Variants in SH3KBP1 observed in about 807,000 individuals in gnomAD.
SH3KBP1 encodes SH3 domain-containing kinase-binding protein 1.
SH3KBP1 carries 8 observed loss-of-function variants against 50.1 expected under a neutral mutation model. That is an observed-to-expected ratio of 0.16 (90% CI 0.09 to 0.29). SH3KBP1 has a LOEUF of 0.29. Ranked by LOEUF, SH3KBP1 falls within the 10% of genes least tolerant of loss-of-function variation. SH3KBP1 has a pLI of 1.00. For synonymous variants in SH3KBP1, 227 were observed against 218.6 expected (o/e 1.04, Z -0.34); for missense variants, 377 against 535.2 (o/e 0.70, Z 2.92).
intron 3 of SH3KBP1, among the ~76,000 whole-genome samples, chrX:19,735,361 GCTTTT>G (rs751681219): frequency 1.8e-5 from 2 of 109,525 alleles, no homozygotes; most frequent in African/African-American, 3.3e-5. Flanking sequence ...AGTTTAGCTT[GCTTTT>G]CTTTTCTAGT....
intron 2 of SH3KBP1, among the ~76,000 whole-genome samples, chrX:19,752,062 A>G (rs1166684062): frequency 8.9e-6 from 1 of 112,510 alleles, no homozygotes; most frequent in Non-Finnish European, 1.9e-5. Flanking sequence ...GTCAGTCTGT[A>G]ACCAAAATAC....
chrX:19,621,523 G>A (rs1324413713), intron 8 of SH3KBP1, among the ~76,000 whole-genome samples: 1 of 111,205 alleles, frequency 9.0e-6, no homozygotes, highest in African/African-American at 3.3e-5. Flanking sequence ...TACAGCCCAT[G>A]GGCCAGGTCT....
intron 3 of SH3KBP1, among the ~76,000 whole-genome samples, chrX:19,722,900 C>T (rs190058477): frequency 9.1e-6 from 1 of 109,837 alleles, no homozygotes; most frequent in East Asian, 2.8e-4. Flanking sequence ...TTTGGGAGGC[C>T]AAGGCAGGCA....
intron 2 of SH3KBP1, among the ~76,000 whole-genome samples, chrX:19,752,014 G>A (rs907784874): frequency 1.8e-5 from 2 of 112,494 alleles, no homozygotes; most frequent in African/African-American, 6.5e-5. Context: ...GTACTGGTGA[G>A]TTGGCTGGGT....
At chrX:19,763,088 G>T (rs891173141) in intron 2 of SH3KBP1, among the ~76,000 whole-genome samples, 2 of 111,669 alleles carry the variant, frequency 1.8e-5, no homozygotes, top group Non-Finnish European at 3.8e-5. Flanking sequence ...CCACCCAGTT[G>T]TCTCAAGTCC....
At position 19,687,600 on chromosome X, in the gene SH3KBP1, C is replaced by A. The variant is rs145801113; in HGVS notation, c.521-3572G>T. The stretch of plus-strand genomic sequence containing the variant: ...ATCTTATCTTTACAATTGCCTTCTG[C>A]TGTTAAGGTCACTCACTGTAATAGC... On this transcript the variant is annotated intron_variant, in intron 5 of 17. Transcript: ENST00000397821. 2.5e-4 allele frequency: 291 copies of A among 1,178,355 alleles called. 1 individual carries two copies. The East Asian group carries it at 3.6e-3, about 15-fold the overall frequency.
intron 5 of SH3KBP1, among the ~76,000 whole-genome samples, chrX:19,691,545 G>A (rs2063294354): frequency 9.3e-6 from 1 of 107,668 alleles, no homozygotes; most frequent in African/African-American, 3.4e-5. Flanking sequence ...AGATGAAATC[G>A]GCAAAAGCCA....
At chrX:19,851,237 T>C (rs2068500617) in intron 1 of SH3KBP1, among the ~76,000 whole-genome samples, 1 of 112,176 alleles carries the variant, frequency 8.9e-6, no homozygotes, top group African/African-American at 3.2e-5. Context: ...TGTAGAAGTA[T>C]CAAAACAAAA....
intron 8 of SH3KBP1, among the ~76,000 whole-genome samples, chrX:19,608,473 AATTTTTGT>A (rs2067311096): frequency 9.2e-6 from 1 of 108,537 alleles, no homozygotes; most frequent in South Asian, 4.1e-4. Context: ...ATGCCTGGCT[AATTTTTGT>A]ATTTTTTAGT....
At position 19,803,142 on chromosome X, in the gene SH3KBP1, A is replaced by G. The variant is rs184610406; in HGVS notation, c.162+32983T>C. 2.1e-3 allele frequency among the ~76,000 whole-genome samples: 237 copies of G among 112,124 alleles called. 1 individual carries two copies. The highest frequency in any genetic ancestry group is 7.3e-3 in the African/African-American group (224 of 30,890). ...CTTCTCGGCTCCAACCCTCCCTGAC[A>G]CAGAAGTTCATGGTGACAATGCACA... On this transcript the variant is annotated intron_variant, in intron 2 of 17. Coordinates refer to ENST00000397821, the MANE Select transcript of SH3KBP1 (RefSeq NM_031892.3).
At chrX:19,755,455 G>A (rs2065185384) in intron 2 of SH3KBP1, among the ~76,000 whole-genome samples, 2 of 111,711 alleles carry the variant, frequency 1.8e-5, no homozygotes. Flanking sequence ...CATCAACGAA[G>A]ACAAAAGACA....
At position 19,541,944 on chromosome X, in the gene SH3KBP1, T is replaced by A. The variant is rs773816472; in HGVS notation, c.1873A>T (p.Thr625Ser). The change falls in exon 16 of 18, where the codon ACC (threonine) becomes TCC (serine). Residue 625 changes from threonine (T) to serine (S), a missense_variant. Thr to Ser is a moderately conservative substitution (Grantham distance 58). Transcript: ENST00000397821. The stretch of plus-strand genomic sequence containing the variant: ...ACTCACTTCTGCTGGTCCTTCATGG[T>A]CTCGATGATGCTCCTCAGCTCGCGG... Reference protein sequence around the residue: ...QVRELRSIIETMKDQQKREIK... With the variant: ...QVRELRSIIESMKDQQKREIK... The A allele has an allele frequency of 1.7e-6, 2 of 1,209,432 alleles. No individual in the cohort carries two copies. Among genetic ancestry groups the A allele is most frequent in the East Asian group, 5.9e-5 (2 of 33,760 alleles).
intron 3 of SH3KBP1, among the ~76,000 whole-genome samples, chrX:19,731,505 C>G (rs758618158): frequency 9.0e-6 from 1 of 111,546 alleles, no homozygotes; most frequent in Non-Finnish European, 1.9e-5. Context: ...CTCTAGTAAA[C>G]TGCCTGTGGT....
chrX:19,784,022 A>G (rs916535329), intron 2 of SH3KBP1, among the ~76,000 whole-genome samples: 2 of 112,225 alleles, frequency 1.8e-5, no homozygotes, highest in Non-Finnish European at 3.8e-5. Flanking sequence ...AATGGGCTTA[A>G]AATGAACCCG....
intron 5 of SH3KBP1, among the ~76,000 whole-genome samples, chrX:19,688,003 T>G (rs903642814): frequency 2.7e-5 from 3 of 112,341 alleles, no homozygotes; most frequent in African/African-American, 6.5e-5. Flanking sequence ...CATTGTAACT[T>G]AAAGAATAGG....
At chrX:19,736,260 T>C (rs2064571125) in intron 3 of SH3KBP1, among the ~76,000 whole-genome samples, 1 of 112,056 alleles carries the variant, frequency 8.9e-6, no homozygotes, top group South Asian at 3.7e-4. Context: ...CAAAACCTAT[T>C]TTCTTTACTC....
intron 7 of SH3KBP1, among the ~76,000 whole-genome samples, chrX:19,633,488 GAAA>G (rs1265551869): frequency 1.8e-5 from 2 of 112,237 alleles, no homozygotes; most frequent in Non-Finnish European, 3.8e-5. Context: ...TACAGAGACA[GAAA>G]AAGTTAAAAC....
At chrX:19,764,834 G>T (rs1040164574) in intron 2 of SH3KBP1, among the ~76,000 whole-genome samples, 5 of 104,808 alleles carry the variant, frequency 4.8e-5, no homozygotes, top group African/African-American at 1.7e-4. Context: ...TTTTTAGACT[G>T]AGTCTTGCTC....
intron 5 of SH3KBP1, among the ~76,000 whole-genome samples, chrX:19,687,995 T>C (rs148139755): frequency 0.014 from 1,605 of 112,317 alleles, 29 homozygotes; most frequent in African/African-American, 0.047. Flanking sequence ...CCTTTCAACA[T>C]TGTAACTTAA....
Sources: gnomAD v4.1 joint callset for allele counts (sites outside exome capture counted in the v4.1 genomes callset) on GRCh38, gnomAD v4.1.1 for gene constraint, MANE v1.5 for transcripts, NCBI Gene and HGNC (gene_info 2026-07-23, HGNC 2026-07-21) for gene names.